The following MCTP1 variants were observed in gnomAD, a reference collection of about 807,000 sequenced individuals.
MCTP1 encodes multiple C2 and transmembrane domain containing 1, also known as multiple C2 and transmembrane domain-containing protein 1.
Under a neutral mutation model 120.6 loss-of-function variants are expected in MCTP1, and 69 were observed. The ratio of observed to expected loss-of-function variants is 0.57; its 90% confidence interval spans 0.47 to 0.70. The LOEUF (loss-of-function observed/expected upper bound fraction) is 0.70. MCTP1 is among the 30% of genes least tolerant of loss of function. MCTP1 has a pLI of 0.00. For synonymous variants in MCTP1, 529 were observed against 493.1 expected (o/e 1.07, Z -0.96); for missense variants, 1,203 against 1,248.8 (o/e 0.96, Z 0.55).
chr5:94,897,091 C>T (rs961801368), intron 10 of MCTP1, among the ~76,000 whole-genome samples: 1 of 152,060 alleles, frequency 6.6e-6, no homozygotes, highest in Non-Finnish European at 1.5e-5. Context: ...AGGTCTTACT[C>T]TGTTGCCTAG....
chr5:94,784,667 C>A (rs1187018071), intron 18 of MCTP1, among the ~76,000 whole-genome samples: 2 of 151,890 alleles, frequency 1.3e-5, no homozygotes, highest in Non-Finnish European at 2.9e-5. Flanking sequence ...GTTTGATTCA[C>A]GCTATTAAGG....
At chr5:94,833,023 T>C (rs1270673801) in intron 17 of MCTP1, among the ~76,000 whole-genome samples, 1 of 152,172 alleles carries the variant, frequency 6.6e-6, no homozygotes, top group Non-Finnish European at 1.5e-5. Flanking sequence ...AAGAACACAG[T>C]TATCTCAGTA....
Position 94,707,496 on chromosome 5 carries a change from C to G in MCTP1, c.3000G>C (p.Ter1000TyrextTer15). ...PYKRKKNNLG[*>Y] ...TGGTCTCCTCAGTGCTGGGAGCTGG[C>G]TAGCCAAGATTGTTTTTCTTTCTTT... is the stretch of plus-strand genomic sequence containing the variant. Residue 1000 changes from the stop codon to tyrosine (Y), a stop_lost, in exon 23 of 23, where the codon TAG becomes TAC. Coordinates refer to ENST00000515393, the MANE Select transcript of MCTP1 (RefSeq NM_024717.7). 1 of 1,610,788 alleles carries G rather than the reference C, an allele frequency of 6.2e-7. No individual in the cohort carries two copies. The highest frequency in any genetic ancestry group is 8.5e-7 in the Non-Finnish European group (1 of 1,177,636).
At chr5:94,756,893 T>G (rs201758079) in intron 19 of MCTP1, among the ~76,000 whole-genome samples, 20 of 152,334 alleles carry the variant, frequency 1.3e-4, no homozygotes, top group African/African-American at 2.2e-4. Flanking sequence ...GACTTTTTTT[T>G]TGTGGAAATA....
chr5:94,966,132 A>G (rs1486047601), intron 2 of MCTP1, among the ~76,000 whole-genome samples: 1 of 152,194 alleles, frequency 6.6e-6, no homozygotes, highest in Non-Finnish European at 1.5e-5. Flanking sequence ...CAGGTGAGGA[A>G]CAATCTGGAA....
At chr5:94,867,459 T>G (rs1797042785) in intron 17 of MCTP1, 1 of 874,736 alleles carries the variant, frequency 1.1e-6, no homozygotes, top group South Asian at 1.4e-5. Context: ...AAATGTTGAT[T>G]TGTTACTATA....
In MCTP1 at chr5:94,718,613, T is replaced by A. The variant is rs550766855; in HGVS notation, c.2611-3727A>T. Among the ~76,000 whole-genome samples, 15 of 152,186 alleles carry A rather than the reference T, an allele frequency of 9.9e-5. No homozygotes were observed. The South Asian group carries it at 1.4e-3, about 15-fold the overall frequency. On this transcript the variant is annotated intron_variant, in intron 19 of 22. Transcript: ENST00000515393. ...AATGGCAGAAAATTTTTTCAATCACTCTGACAAAGGTCTAATATCCAGAAT... is the reference window on the plus strand; with the variant it reads ...AATGGCAGAAAATTTTTTCAATCACACTGACAAAGGTCTAATATCCAGAAT...
chr5:94,808,919 T>C (rs1313236897), intron 17 of MCTP1, among the ~76,000 whole-genome samples: 1 of 152,206 alleles, frequency 6.6e-6, no homozygotes, highest in African/African-American at 2.4e-5. Context: ...CAATTCTTTA[T>C]ATTGTGAAAA....
intron 1 of MCTP1, among the ~76,000 whole-genome samples, chr5:95,167,076 C>T (rs1746499465): frequency 6.6e-6 from 1 of 152,088 alleles, no homozygotes; most frequent in African/African-American, 2.4e-5. Context: ...CTCCCTGCAC[C>T]CTATGACAGG....
chr5:94,845,310 C>T (rs1018045266), intron 17 of MCTP1, among the ~76,000 whole-genome samples: 4 of 152,142 alleles, frequency 2.6e-5, no homozygotes, highest in East Asian at 1.9e-4. Context: ...GGCAAAAGAG[C>T]GTGTGCAGAG....
intron 1 of MCTP1, among the ~76,000 whole-genome samples, chr5:95,028,900 G>A (rs1839779000): frequency 6.6e-6 from 1 of 152,126 alleles, no homozygotes; most frequent in Non-Finnish European, 1.5e-5. Flanking sequence ...GGTGGCTCAC[G>A]CCTGTAATCC....
At chr5:95,176,032 A>C (rs1293591205) in intron 1 of MCTP1, among the ~76,000 whole-genome samples, 1 of 152,194 alleles carries the variant, frequency 6.6e-6, no homozygotes, top group African/African-American at 2.4e-5. Context: ...CAGCGTTCTG[A>C]GTCTGCATTT....
chr5:94,812,400 G>C, intron 17 of MCTP1, among the ~76,000 whole-genome samples: 1 of 147,260 alleles, frequency 6.8e-6, no homozygotes, highest in Middle Eastern at 3.3e-3. Flanking sequence ...ATTGTAAAAA[G>C]CAAGTGTAAA....
intron 1 of MCTP1, among the ~76,000 whole-genome samples, chr5:95,154,075 T>C (rs1201269623): frequency 6.6e-6 from 1 of 152,230 alleles, no homozygotes; most frequent in Non-Finnish European, 1.5e-5. Context: ...CTACTTACAA[T>C]CTGATAGTAT....
At chr5:95,074,231 T>C (rs1431461443) in intron 1 of MCTP1, among the ~76,000 whole-genome samples, 2 of 152,262 alleles carry the variant, frequency 1.3e-5, no homozygotes, top group Non-Finnish European at 2.9e-5. Context: ...CTGGTGAATC[T>C]GCTATACCAT....
chr5:95,245,063 T>G (rs1345444086), intron 1 of MCTP1, among the ~76,000 whole-genome samples: 1 of 151,840 alleles, frequency 6.6e-6, no homozygotes, highest in East Asian at 1.9e-4. Context: ...TCCAGCAAAC[T>G]CCAATAGACC....
intron 1 of MCTP1, chr5:95,081,470 A>G (rs769113598): frequency 2.0e-5 from 32 of 1,612,378 alleles, no homozygotes; most frequent in Middle Eastern, 1.7e-4. Flanking sequence ...TTCAGCTTGC[A>G]GCTGTCTAGC....
intron 2 of MCTP1, among the ~76,000 whole-genome samples, chr5:94,956,992 T>C (rs916379589): frequency 1.1e-4 from 17 of 151,924 alleles, no homozygotes; most frequent in African/African-American, 3.9e-4. Context: ...AAATGAAAGA[T>C]GAAATGTTAA....
intron 2 of MCTP1, among the ~76,000 whole-genome samples, chr5:94,970,393 T>C (rs574146122): frequency 6.6e-6 from 1 of 152,188 alleles, no homozygotes; most frequent in South Asian, 2.1e-4. Context: ...ATATAACTTA[T>C]TCAAATTCCC....
Sources: gnomAD v4.1 joint callset for allele counts (sites outside exome capture counted in the v4.1 genomes callset) on GRCh38, gnomAD v4.1.1 for gene constraint, MANE v1.5 for transcripts, NCBI Gene and HGNC (gene_info 2026-07-23, HGNC 2026-07-21) for gene names.